Variants in MMP26 observed in about 807,000 individuals in gnomAD.
The protein encoded by MMP26 is matrix metalloproteinase-26.
In MMP26, 33 loss-of-function variants were observed where a neutral mutation model predicts 31.0. The ratio of observed to expected loss-of-function variants is 1.06; its 90% confidence interval spans 0.81 to 1.42. The LOEUF (loss-of-function observed/expected upper bound fraction) is 1.42, where lower values mean the gene tolerates loss of function less well. Ranked by LOEUF, MMP26 falls within the 40% of genes most tolerant of loss-of-function variation. MMP26 has a pLI of 0.00. For synonymous variants in MMP26, 122 were observed against 114.9 expected, an observed-to-expected ratio of 1.06 and a Z score of -0.40; for missense variants, 347 against 316.1, an observed-to-expected ratio of 1.10 and a Z score of -0.74.
intron 1 of MMP26, among the ~76,000 whole-genome samples, chr11:4,713,816 G>A (rs572957420): frequency 2.8e-4 from 42 of 152,178 alleles, no homozygotes; most frequent in African/African-American, 9.6e-4. Context: ...TTGGGAGGGT[G>A]TGGTTACTCA....
intron 2 of MMP26, chr11:4,881,969 T>C: frequency 6.2e-7 from 1 of 1,613,970 alleles, no homozygotes; most frequent in Non-Finnish European, 8.5e-7. Context: ...TGGGCTGGAA[T>C]GTGCTCATGT....
At chr11:4,738,974 C>A (rs1399009474) in intron 1 of MMP26, among the ~76,000 whole-genome samples, 2 of 152,100 alleles carry the variant, frequency 1.3e-5, no homozygotes, top group African/African-American at 4.8e-5. Flanking sequence ...TTTTTCTAGT[C>A]TAGGTTTACA....
intron 2 of MMP26, among the ~76,000 whole-genome samples, chr11:4,867,387 CTTTTTTTTT>C (rs3065176): frequency 1.0e-5 from 1 of 98,296 alleles, no homozygotes; most frequent in Non-Finnish European, 2.0e-5. Flanking sequence ...AGATGCTGTC[CTTTTTTTTT>C]TTTTTTTTTT....
chr11:4,847,246 G>A (rs1411240503), intron 2 of MMP26, among the ~76,000 whole-genome samples: 3 of 152,144 alleles, frequency 2.0e-5, no homozygotes, highest in African/African-American at 4.8e-5. Flanking sequence ...AATACAATCC[G>A]TCCACTTTGT....
intron 1 of MMP26, among the ~76,000 whole-genome samples, chr11:4,765,766 C>G (rs1307225407): frequency 6.6e-6 from 1 of 152,212 alleles, no homozygotes; most frequent in Non-Finnish European, 1.5e-5. Flanking sequence ...CAGCTAATTT[C>G]CAGTGGCTTC....
At chr11:4,805,769 A>G (rs777227058) in intron 2 of MMP26, among the ~76,000 whole-genome samples, 1 of 152,236 alleles carries the variant, frequency 6.6e-6, no homozygotes, top group African/African-American at 2.4e-5. Flanking sequence ...GCCCTGCTAC[A>G]GTAGATACTG....
At chr11:4,791,774 C>T (rs1849031658) in intron 2 of MMP26, among the ~76,000 whole-genome samples, 2 of 151,960 alleles carry the variant, frequency 1.3e-5, no homozygotes, top group Non-Finnish European at 2.9e-5. Context: ...GGACTAGGTC[C>T]CCTGTGCTTG....
At chr11:4,811,958 A>G (rs111446223) in intron 2 of MMP26, among the ~76,000 whole-genome samples, 1 of 152,116 alleles carries the variant, frequency 6.6e-6, no homozygotes, top group Non-Finnish European at 1.5e-5. Flanking sequence ...TCCAGGATGC[A>G]CTGAGGACTC....
At chr11:4,915,459 A>G in intron 2 of MMP26, 1 of 1,614,158 alleles carries the variant, frequency 6.2e-7, no homozygotes, top group Non-Finnish European at 8.5e-7. Context: ...GCCAGCATGG[A>G]CAGGAAGAGA....
At chr11:4,900,292 G>T (rs1224129643) in intron 2 of MMP26, among the ~76,000 whole-genome samples, 1 of 152,150 alleles carries the variant, frequency 6.6e-6, no homozygotes, top group African/African-American at 2.4e-5. Context: ...GACTCTTCAA[G>T]AAAATAAAAC....
chr11:4,859,793 T>C (rs1420744766), intron 2 of MMP26: 14 of 471,150 alleles, frequency 3.0e-5, no homozygotes, highest in South Asian at 6.2e-5. Flanking sequence ...GCAGCACCCA[T>C]AAAAGGAACA....
chr11:4,825,718 A>G (rs1263462927), intron 2 of MMP26, among the ~76,000 whole-genome samples: 1 of 152,142 alleles, frequency 6.6e-6, no homozygotes, highest in Non-Finnish European at 1.5e-5. Context: ...ATTGAATTTC[A>G]AGGATTATTG....
At chr11:4,835,679 T>C (rs1267744670) in intron 2 of MMP26, among the ~76,000 whole-genome samples, 1 of 152,154 alleles carries the variant, frequency 6.6e-6, no homozygotes, top group Non-Finnish European at 1.5e-5. Context: ...AGGAGTTGGG[T>C]TTCAGTTCAA....
intron 2 of MMP26, chr11:4,769,056 CA>C (rs775519391): frequency 5.1e-6 from 8 of 1,554,644 alleles, no homozygotes; most frequent in East Asian, 2.3e-5. Context: ...GGGTTGAGCA[CA>C]GGGGGTAAAA....
chr11:4,749,354 A>G (rs1256677485), intron 1 of MMP26, among the ~76,000 whole-genome samples: 4 of 152,062 alleles, frequency 2.6e-5, no homozygotes, highest in Non-Finnish European at 5.9e-5. Context: ...AAATGACCAT[A>G]CTGCCAAAGC....
chr11:4,877,013 A>C (rs1850389048), intron 2 of MMP26: 1 of 153,030 alleles, frequency 6.5e-6, no homozygotes, highest in African/African-American at 2.4e-5. Flanking sequence ...CCATCCTGCT[A>C]CGGAGTGTGG....
intron 1 of MMP26, among the ~76,000 whole-genome samples, chr11:4,722,389 T>C (rs1848024157): frequency 6.6e-6 from 1 of 152,162 alleles, no homozygotes; most frequent in South Asian, 2.1e-4. Flanking sequence ...TACTTTTACT[T>C]AATCTTAAAT....
rs549000083 is a variant in MMP26, at chr11:4,946,640, C to T, written c.-144-41428C>T. The T allele has an allele frequency of 3.3e-5, 52 of 1,584,050 alleles. No homozygotes were observed. The South Asian group carries it at 3.5e-4, about 11-fold the overall frequency. ...AGGGAAGGGAAGAACCAGGAGCATGCTCTTAAAGGAGAATACTATCCCTAT... is the reference window on the plus strand; with the variant it reads ...AGGGAAGGGAAGAACCAGGAGCATGTTCTTAAAGGAGAATACTATCCCTAT... On this transcript the variant is annotated intron_variant, in intron 2 of 7. Transcript: ENST00000380390.
At chr11:4,726,544 T>A (rs1345438862) in intron 1 of MMP26, among the ~76,000 whole-genome samples, 1 of 152,132 alleles carries the variant, frequency 6.6e-6, no homozygotes, top group Non-Finnish European at 1.5e-5. Context: ...GCTAGTAAGA[T>A]ATGAGTGTGT....
Sources: allele counts gnomAD v4.1 joint callset (sites outside exome capture counted in the v4.1 genomes callset), GRCh38; gene constraint gnomAD v4.1.1; transcripts MANE v1.5; gene names NCBI Gene and HGNC (gene_info 2026-07-23, HGNC 2026-07-21).